CFAP61: variants seen among roughly 807,000 people sequenced by gnomAD.
CFAP61 encodes cilia and flagella associated protein 61.
CFAP61 carries 107 observed loss-of-function variants against 135.6 expected under a neutral mutation model. That is an observed-to-expected ratio of 0.79 (90% CI 0.67 to 0.93). The LOEUF is 0.93. Ranked by LOEUF, CFAP61 falls within the 40% of genes least tolerant of loss-of-function variation. CFAP61 has a pLI of 0.00. For missense variants in CFAP61, 1,507 were observed against 1,556.2 expected (o/e 0.97, Z 0.53); for synonymous variants, 575 against 578.5 (o/e 0.99, Z 0.09).
intron 2 of CFAP61, 91 bp downstream of exon 2, chr20:20,056,887 G>A: frequency 1.7e-6 from 2 of 1,190,976 alleles, no homozygotes; most frequent in Non-Finnish European, 2.4e-6. Flanking sequence ...AGAGGCCAAG[G>A]CAGGCAGATC....
At chr20:20,142,990 G>A in intron 9 of CFAP61, 42 bp downstream of exon 9, 3 of 1,212,814 alleles carry the variant, frequency 2.5e-6, no homozygotes, top group East Asian at 2.5e-5. Flanking sequence ...GGGGGGATGG[G>A]CCTGGGGGCT....
At chr20:20,308,219 C>T (rs899196955) in intron 25 of CFAP61, among the ~76,000 whole-genome samples, 2 of 152,188 alleles carry the variant, frequency 1.3e-5, no homozygotes, top group South Asian at 2.1e-4. Flanking sequence ...TTGGAGTGGG[C>T]GTGTTGGATG....
chr20:20,251,515 T>C (rs912228748), intron 19 of CFAP61, 80 bp from the exon 20 acceptor site: 2 of 1,417,250 alleles, frequency 1.4e-6, no homozygotes, highest in East Asian at 4.6e-5. Context: ...ACTAGGGGAC[T>C]TGAACCAGCT....
intron 4 of CFAP61, 89 bp downstream of exon 4, chr20:20,074,467 G>A (rs1367230994): frequency 2.5e-5 from 29 of 1,154,278 alleles, no homozygotes; most frequent in Non-Finnish European, 1.3e-6. Context: ...AAATTCTTTG[G>A]GGTGTTTAAT....
At chr20:20,360,187 T>C in intron 26 of CFAP61, 23 bp from the exon 27 acceptor site, 2 of 1,579,742 alleles carry the variant, frequency 1.3e-6, no homozygotes, top group Non-Finnish European at 1.7e-6. Context: ...TTTCTGTATC[T>C]GGCCTCTTAC....
At chr20:20,152,681 A>G (rs915976640) in intron 9 of CFAP61, among the ~76,000 whole-genome samples, 16 of 150,422 alleles carry the variant, frequency 1.1e-4, no homozygotes, top group Non-Finnish European at 2.4e-4. Flanking sequence ...CCCAATCCTA[A>G]ATATATATGC....
At chr20:20,188,583 AGT>A (rs2072722362) in intron 14 of CFAP61, among the ~76,000 whole-genome samples, 1 of 152,170 alleles carries the variant, frequency 6.6e-6, no homozygotes, top group South Asian at 2.1e-4. Context: ...TTCTCTTTCT[AGT>A]GTAGTAATGC....
chr20:20,098,427 T>C (rs1192780776), intron 7 of CFAP61, among the ~76,000 whole-genome samples: 1 of 151,530 alleles, frequency 6.6e-6, no homozygotes, highest in Non-Finnish European at 1.5e-5. Context: ...CTGGCCAACA[T>C]GGTGAAACTC....
At chr20:20,224,104 A>G (rs982838226) in intron 17 of CFAP61, among the ~76,000 whole-genome samples, 15 of 152,200 alleles carry the variant, frequency 9.9e-5, no homozygotes, top group Admixed American at 4.6e-4. Flanking sequence ...GCAAAGACAT[A>G]GTTCCTGACC....
At chr20:20,144,598 G>A (rs978761037) in intron 9 of CFAP61, among the ~76,000 whole-genome samples, 24 of 116,978 alleles carry the variant, frequency 2.1e-4, no homozygotes, top group African/African-American at 3.9e-4. Flanking sequence ...AGAGAGAGAC[G>A]CTAGGACAGA....
rs1463133777 is a variant in CFAP61, at chr20:20,359,338, T to C, written c.3514-872T>C. Among the ~76,000 whole-genome samples the C allele has an allele frequency of 6.8e-6, 1 of 147,184 alleles. No homozygotes were observed. Among genetic ancestry groups the C allele is most frequent in the African/African-American group, 2.4e-5 (1 of 41,062 alleles). On this transcript the variant is annotated intron_variant, in intron 26 of 26. Transcript: ENST00000245957. This position sits in a 1 kb window ranked among gnomAD's most constrained non-coding sequence, Gnocchi z 4.0. Reference sequence around the variant, plus strand: ...GGACCTTTCAAGTAAAAAGGTTTAATCACTCCTTTTTTTTATTTTTAAATT... The same window carrying C: ...GGACCTTTCAAGTAAAAAGGTTTAACCACTCCTTTTTTTTATTTTTAAATT...
chr20:20,145,622 T>C (rs2051817976), intron 9 of CFAP61, among the ~76,000 whole-genome samples: 1 of 152,182 alleles, frequency 6.6e-6, no homozygotes, highest in African/African-American at 2.4e-5. Flanking sequence ...TTCAGTTATA[T>C]GTAGACTATA....
At chr20:20,317,884 C>T (rs1356111830) in intron 25 of CFAP61, among the ~76,000 whole-genome samples, 2 of 152,234 alleles carry the variant, frequency 1.3e-5, no homozygotes, top group Non-Finnish European at 2.9e-5. Context: ...AGAAAGGCTT[C>T]TCTGCTCCTT....
rs375820107 is a variant in CFAP61, at chr20:20,273,744, G to A, written c.2504-3422G>A. ...CAGTCCAAACAAGTCATCTCGCTGC[G>A]AAGCCTGGCTGTAGCCTGGCTGCGT... On this transcript the variant is annotated intron_variant, in intron 21 of 26. Coordinates refer to ENST00000245957, the MANE Select transcript of CFAP61 (RefSeq NM_015585.4). Among the ~76,000 whole-genome samples, 39 of 152,312 alleles carry A rather than the reference G, an allele frequency of 2.6e-4. No homozygotes were observed. The South Asian group carries it at 2.9e-3, about 11-fold the overall frequency.
intron 25 of CFAP61, among the ~76,000 whole-genome samples, chr20:20,334,834 A>G (rs1195699364): frequency 6.6e-6 from 1 of 152,162 alleles, no homozygotes; most frequent in Non-Finnish European, 1.5e-5. Flanking sequence ...ACTCAAGGAA[A>G]TATTCAGTCC....
At chr20:20,319,231 A>C (rs1376847069) in intron 25 of CFAP61, among the ~76,000 whole-genome samples, 1 of 152,244 alleles carries the variant, frequency 6.6e-6, no homozygotes, top group Admixed American at 6.5e-5. Context: ...TGAGTAAAGC[A>C]GGTCACTTAG....
chr20:20,292,699 C>T (rs2055076343), intron 24 of CFAP61, among the ~76,000 whole-genome samples: 1 of 152,220 alleles, frequency 6.6e-6, no homozygotes, highest in Admixed American at 6.5e-5. Flanking sequence ...AGCCTCCCCA[C>T]CTGGGCTGTC....
At chr20:20,333,340 G>A (rs1467479407) in intron 25 of CFAP61, among the ~76,000 whole-genome samples, 1 of 152,180 alleles carries the variant, frequency 6.6e-6, no homozygotes, top group Non-Finnish European at 1.5e-5. Flanking sequence ...TTACAGCTAA[G>A]AAGACTGAGA....
rs16981538 is a variant in CFAP61 at position 20,094,236 on chromosome 20, G to A, written c.699+3260G>A. ...TTTTGGCATGGTTTCTCAAAGACCC[G>A]CTTTCACGTATTCTTGTTTAGCCAT... On this transcript the variant is annotated intron_variant, in intron 7 of 26. Transcript: ENST00000245957. 4.9e-3 allele frequency among the ~76,000 whole-genome samples: 739 copies of A among 152,126 alleles called. 12 individuals carry two copies. Among genetic ancestry groups the A allele is most frequent in the East Asian group, 0.044 (226 of 5,170 alleles).
Sources: gnomAD v4.1 joint callset for allele counts (sites outside exome capture counted in the v4.1 genomes callset) on GRCh38, gnomAD v4.1.1 for gene constraint, Gnocchi (gnomAD v3.1) non-coding constraint, MANE v1.5 for transcripts, NCBI Gene and HGNC (gene_info 2026-07-23, HGNC 2026-07-21) for gene names.